CPD: variants seen among roughly 807,000 people sequenced by gnomAD.
CPD encodes the protein metallocarboxypeptidase D.
Under a neutral mutation model 138.3 loss-of-function variants are expected in CPD, and 69 were observed. The ratio of observed to expected loss-of-function variants is 0.50; its 90% CI spans 0.41 to 0.61. CPD has a LOEUF of 0.61. CPD is among the 20% of genes least tolerant of loss of function. The pLI is 0.00. For missense variants in CPD, 1,432 were observed against 1,733.3 expected (o/e 0.83, Z 3.09); for synonymous variants, 651 against 642.1 (o/e 1.01, Z -0.21).
chr17:30,382,726 A>C (rs895727960), intron 1 of CPD, among the ~76,000 whole-genome samples: 1 of 152,254 alleles, frequency 6.6e-6, no homozygotes, highest in Non-Finnish European at 1.5e-5. Context: ...CATTTTGTAG[A>C]GAATCTTGGA....
At chr17:30,385,308 A>G in intron 2 of CPD, 72 bp downstream of exon 2, 1 of 1,501,554 alleles carries the variant, frequency 6.7e-7, no homozygotes, top group Non-Finnish European at 9.0e-7. Context: ...TTCTGAGCAA[A>G]AAAGAAGAAA....
At chr17:30,394,116 CTTTTTTT>C (rs35779169) in intron 2 of CPD, among the ~76,000 whole-genome samples, 1 of 40,834 alleles carries the variant, frequency 2.4e-5, no homozygotes, top group Non-Finnish European at 4.4e-5. Context: ...GCACTCCAGC[CTTTTTTT>C]TTTTTTTTTT....
intron 2 of CPD, among the ~76,000 whole-genome samples, chr17:30,388,205 C>T (rs544811737): frequency 7.2e-5 from 11 of 152,268 alleles, no homozygotes; most frequent in East Asian, 3.9e-4. Context: ...GGTTCATGGG[C>T]GCCACGGGCA....
intron 2 of CPD, among the ~76,000 whole-genome samples, chr17:30,414,213 A>G (rs1407092903): frequency 6.6e-6 from 1 of 152,200 alleles, no homozygotes; most frequent in Non-Finnish European, 1.5e-5. Flanking sequence ...TTTTAACAGA[A>G]TTACTCTGGC....
intron 14 of CPD, among the ~76,000 whole-genome samples, chr17:30,452,282 CTT>C (rs1169994571): frequency 1.4e-4 from 20 of 139,904 alleles, no homozygotes; most frequent in Non-Finnish European, 1.9e-4. Context: ...CATTCTTTTT[CTT>C]TTTTTTTTTT....
At position 30,442,355 on chromosome 17, in the gene CPD, A is replaced by G. The variant is rs1196110349; in HGVS notation, c.2278A>G (p.Thr760Ala). The G allele has an allele frequency of 1.2e-6, 2 of 1,613,234 alleles. No homozygotes were observed. Among genetic ancestry groups the G allele is most frequent in the Non-Finnish European group, 1.7e-6 (2 of 1,179,492 alleles). ...NYLQTNCFEV[T>A]IELGCVKYPL... ...TTTACAAACAAATTGCTTTGAAGTG[A>G]CTATTGAACTAGGTTGTGTGAAATA... The change falls in exon 10 of 21, where the codon ACT becomes GCT. Residue 760 changes from threonine (T) to alanine (A), a missense_variant. Transcript: ENST00000225719.
intron 7 of CPD, 120 bp downstream of exon 7, chr17:30,427,678 A>G: frequency 2.4e-6 from 2 of 845,298 alleles, no homozygotes; most frequent in Non-Finnish European, 1.9e-6. Context: ...TACTGCTCTT[A>G]TGGCAGACAA....
intron 2 of CPD, among the ~76,000 whole-genome samples, chr17:30,410,433 A>G (rs1911932133): frequency 6.6e-6 from 1 of 152,098 alleles, no homozygotes; most frequent in Admixed American, 6.5e-5. Context: ...TGTCTCATTG[A>G]TCTGTCTAAT....
rs770446630 is a variant in CPD at position 30,379,068 on chromosome 17, C to T, written c.88C>T (p.Arg30Trp). The change falls in exon 1 of 21, where the codon CGG (arginine) becomes TGG (tryptophan). Residue 30 changes from arginine to tryptophan, a missense_variant. By Grantham distance (101) the Arg-to-Trp change is moderately radical. Transcript: ENST00000225719. The surrounding 1 kb of genome is among the most constrained non-coding windows in gnomAD (Gnocchi z 7.0). ...MCLLLLGSSA[R>W]AAHIKKAEAT... ...CCTGCTGCTGCTGGGGAGCTCGGCC[C>T]GGGCGGCTCACATCAAGAAGGCGGA... The T allele has an allele frequency of 7.2e-5, 113 of 1,560,244 alleles. No individual in the cohort carries two copies. Among genetic ancestry groups the T allele is most frequent in the Non-Finnish European group, 8.9e-5 (103 of 1,159,830 alleles).
Position 30,379,431 on chromosome 17 carries a change from T to C in CPD, c.451T>C (p.Tyr151His), listed in dbSNP as rs750571315. ...DETVSRQVLI[Y>H]LARELAAGYR... ...GACCGTGTCGCGCCAGGTGTTGATC[T>C]ACTTGGCCCGCGAGCTGGCGGCCGG... The change falls in exon 1 of 21, where the codon TAC becomes CAC. Residue 151 changes from tyrosine to histidine, a missense_variant. Tyr to His is a moderately conservative substitution (Grantham distance 83, BLOSUM62 2). Around this residue, in one of 6 missense-constraint regions of CPD, gnomAD observed 484 missense variants for 477.2 expected, o/e 1.01. Transcript: ENST00000225719. The surrounding 1 kb of genome is among the most constrained non-coding windows in gnomAD (Gnocchi z 7.0). 3 of 1,567,240 alleles carry C rather than the reference T, an allele frequency of 1.9e-6. No individual in the cohort carries two copies. The highest frequency in any genetic ancestry group is 2.6e-6 in the Non-Finnish European group (3 of 1,165,196).
At position 30,412,305 on chromosome 17, in the gene CPD, G is replaced by A. The variant is rs2098110943; in HGVS notation, c.995-8536G>A. ...GGTGTCTGTCGGCCCCTACTGGGAGGTGTCTCCCAGTCAGTCTACATGGGA... is the reference window on the plus strand; with the variant it reads ...GGTGTCTGTCGGCCCCTACTGGGAGATGTCTCCCAGTCAGTCTACATGGGA... On this transcript the variant is annotated intron_variant, in intron 2 of 20. Coordinates refer to ENST00000225719, the MANE Select transcript of CPD (RefSeq NM_001304.5). Among the ~76,000 whole-genome samples the A allele has an allele frequency of 2.0e-5, 3 of 152,338 alleles. No individual in the cohort carries two copies. In the South Asian group the frequency reaches 6.2e-4, roughly 32 times the overall value.
chr17:30,393,410 A>T (rs757417703), intron 2 of CPD, among the ~76,000 whole-genome samples: 30 of 152,224 alleles, frequency 2.0e-4, no homozygotes, highest in Non-Finnish European at 3.5e-4. Flanking sequence ...CTGTGTCATT[A>T]AATAGGATAT....
chr17:30,462,204 A>T, intron 19 of CPD, 142 bp downstream of exon 19: 1 of 1,070,282 alleles, frequency 9.3e-7, no homozygotes, highest in Non-Finnish European at 1.3e-6. Context: ...ATATCTTGTT[A>T]TCCTTGTACC....
At chr17:30,387,245 G>A (rs1189614589) in intron 2 of CPD, among the ~76,000 whole-genome samples, 1 of 152,118 alleles carries the variant, frequency 6.6e-6, no homozygotes, top group African/African-American at 2.4e-5. Context: ...AGCCTCCCAA[G>A]TAGCTGGGAT....
At chr17:30,400,767 C>T (rs1469569516) in intron 2 of CPD, among the ~76,000 whole-genome samples, 9 of 142,882 alleles carry the variant, frequency 6.3e-5, no homozygotes, top group South Asian at 4.5e-4. Flanking sequence ...ACTCCATTCT[C>T]CTGCCTCAGC....
At chr17:30,411,273 C>G (rs752784554) in intron 2 of CPD, among the ~76,000 whole-genome samples, 3 of 152,202 alleles carry the variant, frequency 2.0e-5, no homozygotes, top group Non-Finnish European at 4.4e-5. Flanking sequence ...TGACCTTTCT[C>G]TCTGGCTGCC....
At chr17:30,443,389 C>G (rs1408940052) in intron 10 of CPD, among the ~76,000 whole-genome samples, 1 of 152,060 alleles carries the variant, frequency 6.6e-6, no homozygotes, top group African/African-American at 2.4e-5. Context: ...AATTTTACAG[C>G]TGTATTTTAT....
chr17:30,417,074 C>T (rs1567873253), intron 2 of CPD, among the ~76,000 whole-genome samples: 1 of 151,310 alleles, frequency 6.6e-6, no homozygotes, highest in Non-Finnish European at 1.5e-5. Flanking sequence ...TGCACTCCAG[C>T]CTGGTGACAG....
Position 30,466,606 on chromosome 17 carries a change from T to C in CPD, c.*1792T>C, listed in dbSNP as rs552765104. 2.6e-5 allele frequency: 4 copies of C among 152,732 alleles called. No homozygotes were observed. The highest frequency in any genetic ancestry group is 5.9e-5 in the Non-Finnish European group (4 of 68,006). 9.5% of individuals were successfully genotyped at this position (152,732 alleles called of 1,614,324 possible). A position where few individuals can be genotyped will look rare whatever the true frequency, so the allele number is the denominator to read the frequency against. On this transcript the variant is annotated 3_prime_UTR_variant, in exon 21 of 21. Coordinates refer to ENST00000225719, the MANE Select transcript of CPD (RefSeq NM_001304.5). ...ATTTCTAATAATCTTTATGTTTTCTTTAAGGATGGTGGTGTATTGCTCTTT... is the reference window on the plus strand; with the variant it reads ...ATTTCTAATAATCTTTATGTTTTCTCTAAGGATGGTGGTGTATTGCTCTTT...
Sources: allele counts gnomAD v4.1 joint callset (sites outside exome capture counted in the v4.1 genomes callset), GRCh38; gene constraint gnomAD v4.1.1; regional missense constraint gnomAD v4.1.1; non-coding constraint Gnocchi (gnomAD v3.1); transcripts MANE v1.5; gene names NCBI Gene and HGNC (gene_info 2026-07-23, HGNC 2026-07-21).